Variants in NDST3 observed in about 807,000 individuals in gnomAD.
NDST3 encodes N-deacetylase and N-sulfotransferase 3, also known as bifunctional heparan sulfate N-deacetylase/N-sulfotransferase 3.
A neutral mutation model predicts 96.1 loss-of-function variants in NDST3; 58 were observed. The ratio of observed to expected loss-of-function variants is 0.60; its 90% confidence interval spans 0.49 to 0.75. The LOEUF is 0.75. NDST3 is among the 30% of genes least tolerant of loss of function. The pLI, the probability that NDST3 is intolerant of heterozygous loss-of-function variation, is 0.00. For synonymous variants in NDST3, 333 were observed against 359.7 expected, an observed-to-expected ratio of 0.93 and a Z score of 0.84; for missense variants, 788 against 1,034.2, an observed-to-expected ratio of 0.76 and a Z score of 3.27.
At chr4:118,078,722 C>G (rs938678201) in intron 2 of NDST3, among the ~76,000 whole-genome samples, 2 of 147,068 alleles carry the variant, frequency 1.4e-5, no homozygotes, top group African/African-American at 5.0e-5. Flanking sequence ...GCACTCCAGC[C>G]TGGCCAACAG....
intron 3 of NDST3, among the ~76,000 whole-genome samples, chr4:118,106,445 A>G (rs1272307844): frequency 6.6e-6 from 1 of 152,086 alleles, no homozygotes; most frequent in African/African-American, 2.4e-5. Flanking sequence ...TCCTAGGCTT[A>G]AGAAATCCTC....
At chr4:118,152,174 A>C (rs144595265) in intron 6 of NDST3, among the ~76,000 whole-genome samples, 405 of 152,348 alleles carry the variant, frequency 2.7e-3, no homozygotes, top group Non-Finnish European at 3.7e-3. Flanking sequence ...CAAAAGCATA[A>C]GGAAAACCTG....
chr4:118,143,659 T>G lies in NDST3; in HGVS notation c.1514T>G (p.Leu505Arg). 6.2e-7 allele frequency: 1 copy of G among 1,604,040 alleles called. No individual in the cohort carries two copies. Among genetic ancestry groups the G allele is most frequent in the South Asian group, 1.1e-5 (1 of 87,948 alleles). ...GATAAGAGTATCCAAGGAGGAGAAC[T>G]TTTCTTCACTGTCGTCCTCAACCCT... ...ELDKSIQGGELFFTVVLNPIS... is the reference protein window; with the variant it reads ...ELDKSIQGGERFFTVVLNPIS... The change falls in exon 6 of 14, where the codon CTT becomes CGT. Residue 505 changes from leucine to arginine, a missense_variant. Physicochemically the swap from Leu to Arg is moderately radical, Grantham distance 102 (BLOSUM62 -2). Transcript: ENST00000296499.
At chr4:118,235,861 G>C (rs376895765) in intron 9 of NDST3, among the ~76,000 whole-genome samples, 1 of 152,102 alleles carries the variant, frequency 6.6e-6, no homozygotes, top group South Asian at 2.1e-4. Flanking sequence ...AACATAAAAG[G>C]ATTTCTTTAC....
intron 1 of NDST3, among the ~76,000 whole-genome samples, chr4:118,040,542 C>A (rs1724384502): frequency 6.6e-6 from 1 of 152,062 alleles, no homozygotes; most frequent in Admixed American, 6.5e-5. Context: ...TCATAGCTAT[C>A]CCTTTATGAA....
At chr4:118,134,384 T>C (rs1732899018) in intron 4 of NDST3, among the ~76,000 whole-genome samples, 1 of 152,228 alleles carries the variant, frequency 6.6e-6, no homozygotes, top group South Asian at 2.1e-4. Context: ...TAATCATATT[T>C]GTATCTTTTA....
At position 118,100,841 on chromosome 4, in the gene NDST3, T is replaced by A. The variant is rs542101964; in HGVS notation, c.982-4177T>A. Among the ~76,000 whole-genome samples, 136 of 152,294 alleles carry A rather than the reference T, an allele frequency of 8.9e-4. 2 individuals are homozygous for A. The highest frequency in any genetic ancestry group is 3.1e-3 in the African/African-American group (128 of 41,582). ...GAAATGGGAATAATAATCTCTAGTA[T>A]ACTAAGTATATCTGATGCCTGGAGG... is the stretch of plus-strand genomic sequence containing the variant. On this transcript the variant is annotated intron_variant, in intron 2 of 13. Coordinates refer to ENST00000296499, the MANE Select transcript of NDST3 (RefSeq NM_004784.3).
chr4:118,089,181 T>C (rs185060446), intron 2 of NDST3, among the ~76,000 whole-genome samples: 1 of 152,100 alleles, frequency 6.6e-6, no homozygotes, highest in African/African-American at 2.4e-5. Context: ...AGATATAATT[T>C]ATTTGGTAAC....
In NDST3 at chr4:118,034,642, T is replaced by G. The variant is rs1724043314; in HGVS notation, c.-156+50T>G. 3.3e-5 allele frequency: 5 copies of G among 152,334 alleles called. No individual in the cohort carries two copies. The South Asian group carries it at 8.3e-4, about 25-fold the overall frequency. 9.4% of individuals were successfully genotyped at this position (152,334 alleles called of 1,614,324 possible). ...TGTGCATTAATGCCTCACTCATAAATGTAGGGGCTTTTAAGAGATAACAAC... is the reference window on the plus strand; with the variant it reads ...TGTGCATTAATGCCTCACTCATAAAGGTAGGGGCTTTTAAGAGATAACAAC... On this transcript the variant is annotated intron_variant, in intron 1 of 13. Transcript: ENST00000296499.
chr4:118,066,193 ATAT>A (rs1408994445), intron 2 of NDST3, among the ~76,000 whole-genome samples: 5 of 71,176 alleles, frequency 7.0e-5, no homozygotes, highest in African/African-American at 1.6e-4. Flanking sequence ...TATATCTTAT[ATAT>A]TATATTTTAT....
At chr4:118,217,518 C>T (rs146009610) in intron 6 of NDST3, among the ~76,000 whole-genome samples, 2 of 152,160 alleles carry the variant, frequency 1.3e-5, no homozygotes, top group Non-Finnish European at 2.9e-5. Context: ...AGTGATGGAA[C>T]TCATACATTT....
chr4:118,234,609 T>A (rs1299720725), intron 9 of NDST3, among the ~76,000 whole-genome samples: 1 of 151,910 alleles, frequency 6.6e-6, no homozygotes, highest in African/African-American at 2.4e-5. Context: ...CCCTAGGATG[T>A]TTTTTCAAAG....
rs376844997 is a variant in NDST3, at chr4:118,237,200, C to T, written c.2098C>T (p.Arg700Ter). 1.7e-5 allele frequency: 27 copies of T among 1,610,678 alleles called. No individual in the cohort carries two copies. Among genetic ancestry groups the T allele is most frequent in the Non-Finnish European group, 2.2e-5 (26 of 1,178,566 alleles). The change falls in exon 10 of 14, where the codon CGA (arginine) becomes TGA (stop). Residue 700 changes from arginine to a stop codon, truncating the protein, a stop_gained. Coordinates refer to ENST00000296499, the MANE Select transcript of NDST3 (RefSeq NM_004784.3). LOFTEE classifies it high-confidence loss of function. ...CACCATTCTCATTGACCCTTCAGAC[C>T]GAGCATACTCCTGGTACCAGGTAAG... Reference protein sequence around the residue: ...IITILIDPSDRAYSWYQHQRS... With the variant: ...IITILIDPSD
intron 3 of NDST3, among the ~76,000 whole-genome samples, chr4:118,108,144 C>T (rs1730355766): frequency 6.6e-6 from 1 of 152,112 alleles, no homozygotes; most frequent in Non-Finnish European, 1.5e-5. Context: ...TATGGGGGAA[C>T]CTCCCCCATG....
chr4:118,076,147 G>A (rs528138447), intron 2 of NDST3, among the ~76,000 whole-genome samples: 4 of 152,096 alleles, frequency 2.6e-5, no homozygotes, highest in African/African-American at 9.7e-5. Flanking sequence ...GGCTTGGAGG[G>A]TTTCTTCTGA....
At chr4:118,093,654 A>T (rs1473662789) in intron 2 of NDST3, among the ~76,000 whole-genome samples, 1 of 151,860 alleles carries the variant, frequency 6.6e-6, no homozygotes, top group Non-Finnish European at 1.5e-5. Context: ...TTCCTAACTT[A>T]TCGTATCTAA....
chr4:118,253,131 C>T (rs1421906127), intron 12 of NDST3, among the ~76,000 whole-genome samples: 2 of 151,960 alleles, frequency 1.3e-5, no homozygotes, highest in Admixed American at 1.3e-4. Context: ...TTTTTAAACC[C>T]TACAAAGAAA....
intron 6 of NDST3, among the ~76,000 whole-genome samples, chr4:118,213,069 C>T (rs550865864): frequency 6.6e-6 from 1 of 152,274 alleles, no homozygotes; most frequent in Non-Finnish European, 1.5e-5. Context: ...GTTTCTTTTT[C>T]ATCTGCAGTT....
chr4:118,053,535 CTT>C (rs1327441968), intron 1 of NDST3, among the ~76,000 whole-genome samples: 1 of 151,558 alleles, frequency 6.6e-6, no homozygotes, highest in Non-Finnish European at 1.5e-5. Flanking sequence ...AGCCCAAAGT[CTT>C]TTTTTTACTA....
Sources: allele counts gnomAD v4.1 joint callset (sites outside exome capture counted in the v4.1 genomes callset), GRCh38; gene constraint gnomAD v4.1.1; transcripts MANE v1.5; gene names NCBI Gene and HGNC (gene_info 2026-07-23, HGNC 2026-07-21).